Variants in CSF1R observed in about 807,000 individuals in gnomAD.
The protein encoded by CSF1R is colony stimulating factor 1 receptor.
Under a neutral mutation model 110.0 loss-of-function variants are expected in CSF1R, and 40 were observed. That is an observed-to-expected ratio of 0.36 (90% CI 0.28 to 0.47). The LOEUF is 0.47. Among genes scored for constraint, CSF1R ranks in the 20% least tolerant of loss-of-function variants. CSF1R has a pLI of 0.99. For synonymous variants in CSF1R, 523 were observed against 503.4 expected (o/e 1.04, Z -0.52); for missense variants, 1,052 against 1,253.0 (o/e 0.84, Z 2.42).
intron 1 of CSF1R, among the ~76,000 whole-genome samples, chr5:150,091,583 G>A (rs1759041824): frequency 6.6e-6 from 1 of 152,148 alleles, no homozygotes; most frequent in South Asian, 2.1e-4. Context: ...GACGGTTGAC[G>A]AGTGGTTACC....
At chr5:150,092,768 T>C (rs1169726899) in intron 1 of CSF1R, among the ~76,000 whole-genome samples, 1 of 152,166 alleles carries the variant, frequency 6.6e-6, no homozygotes, top group Non-Finnish European at 1.5e-5. Context: ...ATTATTACAA[T>C]TCAAGGTGAG....
At chr5:150,108,117 C>G (rs990523300) in intron 1 of CSF1R, among the ~76,000 whole-genome samples, 7 of 152,248 alleles carry the variant, frequency 4.6e-5, no homozygotes, top group Admixed American at 2.0e-4. Context: ...GAAGGAGAAA[C>G]AGCACAGTAA....
chr5:150,077,741 A>G (rs891387126), intron 4 of CSF1R, among the ~76,000 whole-genome samples: 2 of 152,142 alleles, frequency 1.3e-5, no homozygotes, highest in Admixed American at 6.5e-5. Context: ...CTCTCTCCCA[A>G]TGTCTTTCTG....
chr5:150,054,264 A>G, intron 20 of CSF1R, 40 bp from the exon 21 acceptor site: 2 of 1,613,644 alleles, frequency 1.2e-6, no homozygotes, highest in Non-Finnish European at 8.5e-7. Context: ...GTCCAGATCC[A>G]TCAGGCCCAG....
chr5:150,105,382 ATATT>A (rs1486327979), intron 1 of CSF1R, among the ~76,000 whole-genome samples: 57 of 82,792 alleles, frequency 6.9e-4, no homozygotes, highest in African/African-American at 1.8e-3. Flanking sequence ...ATATATATAT[ATATT>A]TTTTTTTTTT....
chr5:150,084,487 C>T (rs946366817), intron 1 of CSF1R, among the ~76,000 whole-genome samples: 3 of 151,018 alleles, frequency 2.0e-5, no homozygotes, highest in Non-Finnish European at 4.4e-5. Context: ...GAGTCTTGCT[C>T]TGTCGCCTAG....
chr5:150,068,963 G>A (rs769602582), intron 9 of CSF1R, among the ~76,000 whole-genome samples: 1 of 152,220 alleles, frequency 6.6e-6, no homozygotes, highest in Non-Finnish European at 1.5e-5. Flanking sequence ...GTGTGACATT[G>A]AGCCTAGGGA....
In CSF1R at chr5:150,073,345, C is replaced by A. The variant is rs1432308772; in HGVS notation, c.1038G>T (p.Gln346His). 1.2e-6 allele frequency: 2 copies of A among 1,614,068 alleles called. No individual in the cohort carries two copies. The highest frequency in any genetic ancestry group is 1.7e-6 in the Non-Finnish European group (2 of 1,180,006). The change falls in exon 6 of 21, where the codon CAG (glutamine) becomes CAT (histidine). Residue 346 changes from glutamine (Q) to histidine (H), a missense_variant. Around this residue, in one of 5 missense-constraint regions of CSF1R, gnomAD observed 693 missense variants for 735.4 expected, o/e 0.94. Coordinates refer to ENST00000675795, the MANE Select transcript of CSF1R (RefSeq NM_001288705.3). ...WTYLGPFSDH[Q>H]PEPKLANATT... ...TAGCATTAGCAAGCTTGGGCTCAGG[C>A]TGGTGGTCAGAAAAGGGTCCCAGGT...
chr5:150,053,733 G>A lies in CSF1R; in HGVS notation c.*336C>T, dbSNP rs182193643. ...AGTGTAGCTCCTGGGGACTTCATAG[G>A]CATAAAGTCAGTCCATTTCCATGAA... On this transcript the variant is annotated 3_prime_UTR_variant, in exon 21 of 21. Transcript: ENST00000675795. The A allele has an allele frequency of 1.2e-5, 5 of 423,560 alleles. No individual in the cohort carries two copies. The East Asian group carries it at 2.2e-4, about 18-fold the overall frequency. 26.2% of individuals were successfully genotyped at this position (423,560 alleles called of 1,614,324 possible). A position where few individuals can be genotyped will look rare whatever the true frequency, so the allele number is the denominator to read the frequency against.
chr5:150,109,518 GT>G (rs765477011), intron 1 of CSF1R, among the ~76,000 whole-genome samples: 2 of 152,216 alleles, frequency 1.3e-5, no homozygotes, highest in African/African-American at 4.8e-5. Flanking sequence ...CAAGGAGAAT[GT>G]TTCAGCTTGG....
intron 1 of CSF1R, among the ~76,000 whole-genome samples, chr5:150,110,189 G>A (rs4705108): frequency 0.55 from 83,958 of 151,796 alleles, 23,617 homozygotes; most frequent in East Asian, 0.85. Flanking sequence ...TCCAGCTCAT[G>A]CTCCTGCTCT....
At position 150,080,953 on chromosome 5, in the gene CSF1R, G is replaced by A. The variant is rs1391926262; in HGVS notation, c.121C>T (p.Arg41Ter). 2 of 1,614,000 alleles carry A rather than the reference G, an allele frequency of 1.2e-6. No individual in the cohort carries two copies. Among genetic ancestry groups the A allele is most frequent in the Non-Finnish European group, 1.7e-6 (2 of 1,180,000 alleles). The change falls in exon 2 of 21, where the codon CGA (arginine) becomes TGA (stop). Residue 41 changes from arginine to a stop codon, truncating the protein, a stop_gained. Transcript: ENST00000675795. LOFTEE classifies it high-confidence loss of function. ...TCCACGCTGCCATTGCCCACACATC[G>A]CAAGGTCACCGTTGCTCCTGGCTTC... ...VVKPGATVTLRCVGNGSVEWD... is the reference protein window; with the variant it reads ...VVKPGATVTL
chr5:150,070,693 A>G (rs1262238626), intron 6 of CSF1R, 122 bp from the exon 7 acceptor site: 1 of 662,332 alleles, frequency 1.5e-6, no homozygotes, highest in East Asian at 3.2e-5. Flanking sequence ...TCAGGGCCCA[A>G]CGGCCTTGGG....
Position 150,069,915 on chromosome 5 carries a change from T to A in CSF1R, c.1468A>T (p.Ser490Cys). The A allele has an allele frequency of 6.2e-7, 1 of 1,613,856 alleles. No homozygotes were observed. Among genetic ancestry groups the A allele is most frequent in the South Asian group, 1.1e-5 (1 of 91,078 alleles). ...NQTYECRAHN[S>C]VGSGSWAFIP... ...AAGGCCCAGGAGCCACTCCCCACGC[T>A]GTTGTGGGCCCTGCACTCGTAGGTT... Residue 490 changes from serine to cysteine, a missense_variant, in exon 9 of 21, where the codon AGC becomes TGC. Transcript: ENST00000675795.
chr5:150,067,574 G>A (rs1014994735), intron 10 of CSF1R, among the ~76,000 whole-genome samples: 6 of 152,320 alleles, frequency 3.9e-5, no homozygotes, highest in South Asian at 2.1e-4. Flanking sequence ...CACACTATAC[G>A]CAACATGCAC....
upstream of CSF1R, chr5:150,086,721 G>A (rs531779807): frequency 4.1e-5 from 16 of 387,736 alleles, no homozygotes; most frequent in South Asian, 7.6e-4. Context: ...GAGCTTGGGG[G>A]GAGCTAGCTA....
At chr5:150,079,187 A>T (rs1216778394) in intron 3 of CSF1R, among the ~76,000 whole-genome samples, 1 of 152,232 alleles carries the variant, frequency 6.6e-6, no homozygotes, top group Non-Finnish European at 1.5e-5. Context: ...TGGCCAGCCC[A>T]GGGCTCTGCA....
intron 6 of CSF1R, 135 bp downstream of exon 6, chr5:150,073,166 C>T (rs563160475): frequency 8.5e-6 from 7 of 820,230 alleles, no homozygotes; most frequent in South Asian, 2.0e-5. Context: ...TCAGGGAAAG[C>T]GAAGCCCAGA....
chr5:150,061,211 G>A (rs1484026947), intron 12 of CSF1R, among the ~76,000 whole-genome samples: 4 of 152,218 alleles, frequency 2.6e-5, no homozygotes, highest in Admixed American at 6.5e-5. Context: ...AAGCCAAACT[G>A]TGGCCAGGCC....
Sources: gnomAD v4.1 joint callset for allele counts (sites outside exome capture counted in the v4.1 genomes callset) on GRCh38, gnomAD v4.1.1 for gene constraint, gnomAD v4.1.1 regional missense constraint, MANE v1.5 for transcripts, NCBI Gene and HGNC (gene_info 2026-07-23, HGNC 2026-07-21) for gene names.